The following AGMO variants were observed in gnomAD, a reference collection of about 807,000 sequenced individuals.
The protein encoded by AGMO is glyceryl-ether monooxygenase.
A neutral mutation model predicts 60.2 loss-of-function variants in AGMO; 75 were observed. That is an observed-to-expected ratio of 1.25 (90% CI 1.03 to 1.51). The LOEUF is 1.51. AGMO is among the 40% of genes most tolerant of loss of function. The pLI is 0.00. For synonymous variants in AGMO, 261 were observed against 177.1 expected (o/e 1.47, Z -3.76); for missense variants, 763 against 525.5 (o/e 1.45, Z -4.42).
intron 12 of AGMO, among the ~76,000 whole-genome samples, chr7:15,246,900 A>G (rs545988056): frequency 1.3e-5 from 2 of 152,098 alleles, no homozygotes; most frequent in East Asian, 3.9e-4. Flanking sequence ...CTAGAAATCT[A>G]TTTTCCATCA....
chr7:15,222,071 C>T (rs1334161461), intron 12 of AGMO, among the ~76,000 whole-genome samples: 5 of 151,992 alleles, frequency 3.3e-5, no homozygotes, highest in South Asian at 2.1e-4. Context: ...GAAATCTTTT[C>T]GTCTAAAATG....
chr7:15,555,220 C>G (rs1184196348), intron 2 of AGMO, among the ~76,000 whole-genome samples: 2 of 146,836 alleles, frequency 1.4e-5, no homozygotes, highest in Non-Finnish European at 3.0e-5. Context: ...AAGATTATTA[C>G]AAATATTCTT....
chr7:15,281,400 A>T (rs569624456), intron 12 of AGMO, among the ~76,000 whole-genome samples: 1 of 152,106 alleles, frequency 6.6e-6, no homozygotes, highest in Non-Finnish European at 1.5e-5. Flanking sequence ...TCTCCACAGG[A>T]GAAGGGCCCT....
At chr7:15,520,415 G>A (rs764800057) in intron 3 of AGMO, among the ~76,000 whole-genome samples, 4 of 152,166 alleles carry the variant, frequency 2.6e-5, no homozygotes, top group South Asian at 2.1e-4. Flanking sequence ...GCACCATATA[G>A]CACTTATTCT....
chr7:15,225,429 G>C lies in AGMO; in HGVS notation c.1264-24070C>G, dbSNP rs369852777. On this transcript the variant is annotated intron_variant, in intron 12 of 12. Coordinates refer to ENST00000342526, the MANE Select transcript of AGMO (RefSeq NM_001004320.2). ...TGTTTTAACTTTCTCAATATGTTTTGCTCCAAATCCCTTTAAAATTATAGT... is the reference window on the plus strand; with the variant it reads ...TGTTTTAACTTTCTCAATATGTTTTCCTCCAAATCCCTTTAAAATTATAGT... Among the ~76,000 whole-genome samples the C allele has an allele frequency of 4.6e-5, 7 of 151,794 alleles. No individual in the cohort carries two copies. In the East Asian group the frequency reaches 7.7e-4, roughly 17 times the overall value.
intron 4 of AGMO, among the ~76,000 whole-genome samples, chr7:15,422,070 A>G (rs1364283078): frequency 6.6e-6 from 1 of 152,088 alleles, no homozygotes; most frequent in Non-Finnish European, 1.5e-5. Flanking sequence ...GTGAGATGGA[A>G]TTTGCAGGTA....
At chr7:15,215,749 C>T (rs1781717927) in intron 12 of AGMO, among the ~76,000 whole-genome samples, 1 of 151,938 alleles carries the variant, frequency 6.6e-6, no homozygotes. Context: ...GTAAATTAAC[C>T]CCACAACATG....
the AGMO span, among the ~76,000 whole-genome samples, chr7:15,156,714 C>T: frequency 3.3e-5 from 5 of 152,156 alleles, no homozygotes; most frequent in African/African-American, 1.2e-4. Context: ...AGCTTCCTCA[C>T]CTTTCAGCTT....
intron 4 of AGMO, among the ~76,000 whole-genome samples, chr7:15,423,250 T>A (rs1254215902): frequency 6.6e-6 from 1 of 152,194 alleles, no homozygotes; most frequent in Admixed American, 6.5e-5. Context: ...AAATAGCATG[T>A]GCCACATTCC....
At chr7:15,331,861 G>A (rs1312294834) in intron 12 of AGMO, among the ~76,000 whole-genome samples, 2 of 152,088 alleles carry the variant, frequency 1.3e-5, no homozygotes, top group South Asian at 2.1e-4. Context: ...GGGAGGGAGA[G>A]GTTGCAGTGA....
chr7:15,397,275 C>G (rs1181887884), intron 5 of AGMO, among the ~76,000 whole-genome samples: 2 of 151,954 alleles, frequency 1.3e-5, no homozygotes, highest in African/African-American at 4.8e-5. Context: ...TCAAGCCCAG[C>G]AGGCGCCGGC....
intron 3 of AGMO, among the ~76,000 whole-genome samples, chr7:15,469,563 G>C (rs1019729849): frequency 6.6e-6 from 1 of 152,146 alleles, no homozygotes; most frequent in Non-Finnish European, 1.5e-5. Context: ...CCCATGGCAA[G>C]AGGTCATTTG....
the AGMO span, among the ~76,000 whole-genome samples, chr7:15,119,009 A>G: frequency 0.018 from 2,607 of 144,426 alleles, 74 homozygotes; most frequent in African/African-American, 0.061. Flanking sequence ...CCTTCTTTTG[A>G]CCTTTATAAG....
At chr7:15,281,460 G>A (rs1783962390) in intron 12 of AGMO, among the ~76,000 whole-genome samples, 2 of 152,052 alleles carry the variant, frequency 1.3e-5, no homozygotes, top group South Asian at 4.1e-4. Flanking sequence ...TCTCTACTTG[G>A]AAAATCAACA....
At chr7:15,435,385 C>T (rs1022589740) in intron 3 of AGMO, among the ~76,000 whole-genome samples, 3 of 151,494 alleles carry the variant, frequency 2.0e-5, no homozygotes, top group Admixed American at 2.0e-4. Flanking sequence ...CAGCACCTGA[C>T]ATCATTAATT....
intron 12 of AGMO, among the ~76,000 whole-genome samples, chr7:15,352,628 G>A (rs895782271): frequency 2.0e-5 from 3 of 151,858 alleles, no homozygotes; most frequent in African/African-American, 7.3e-5. Flanking sequence ...AGACATTCTG[G>A]CCTTGAGTTG....
At chr7:15,195,088 T>G in the AGMO span, among the ~76,000 whole-genome samples, 1 of 152,154 alleles carries the variant, frequency 6.6e-6, no homozygotes, top group Non-Finnish European at 1.5e-5. Flanking sequence ...CTCCCTTCAG[T>G]GAGCACACAT....
At chr7:15,353,090 A>G (rs980309978) in intron 12 of AGMO, among the ~76,000 whole-genome samples, 1 of 152,134 alleles carries the variant, frequency 6.6e-6, no homozygotes, top group East Asian at 1.9e-4. Flanking sequence ...TTATTTTTAA[A>G]AAGGTGGGAA....
chr7:15,151,041 T>C, the AGMO span, among the ~76,000 whole-genome samples: 1 of 152,206 alleles, frequency 6.6e-6, no homozygotes, highest in East Asian at 1.9e-4. Context: ...CCTGGTTCAG[T>C]CTTGGGAGGT....
Sources: allele counts gnomAD v4.1 joint callset (sites outside exome capture counted in the v4.1 genomes callset), GRCh38; gene constraint gnomAD v4.1.1; transcripts MANE v1.5; gene names NCBI Gene and HGNC (gene_info 2026-07-23, HGNC 2026-07-21).